The following EGFL6 variants were observed in gnomAD, a reference collection of about 807,000 sequenced individuals.
The protein encoded by EGFL6 is EGF like domain multiple 6.
Under a neutral mutation model 43.1 loss-of-function variants are expected in EGFL6, and 42 were observed. The ratio of observed to expected loss-of-function variants is 0.98; its 90% confidence interval spans 0.76 to 1.26. The LOEUF (loss-of-function observed/expected upper bound fraction) is 1.26. EGFL6 is among the 50% of genes most tolerant of loss of function. The probability of loss-of-function intolerance (pLI) is 0.00; values close to 1 mark genes in which losing one functional copy is unlikely to be tolerated. For missense variants in EGFL6, 429 were observed against 427.8 expected (o/e 1.00, Z -0.02); for synonymous variants, 164 against 163.2 (o/e 1.01, Z -0.04).
intron 3 of EGFL6, 56 bp downstream of exon 3, chrX:13,594,984 C>T (rs1038400036): frequency 1.2e-5 from 11 of 939,578 alleles, no homozygotes; most frequent in African/African-American, 5.8e-5. Flanking sequence ...GCAGGGCTGG[C>T]GACTCAATAT....
intron 11 of EGFL6, among the ~76,000 whole-genome samples, chrX:13,632,179 C>T (rs2045814630): frequency 1.9e-5 from 2 of 107,418 alleles, no homozygotes; most frequent in Non-Finnish European, 3.8e-5. Flanking sequence ...CGGTGGCTCA[C>T]GCCTGTAATC....
At chrX:13,627,611 T>C (rs1371384120) in intron 11 of EGFL6, among the ~76,000 whole-genome samples, 1 of 112,258 alleles carries the variant, frequency 8.9e-6, no homozygotes, top group African/African-American at 3.2e-5. Context: ...GCCCAGAACT[T>C]ACTACAATTA....
At chrX:13,583,042 G>A (rs773513967) in intron 1 of EGFL6, among the ~76,000 whole-genome samples, 3 of 111,075 alleles carry the variant, frequency 2.7e-5, no homozygotes, top group Non-Finnish European at 5.7e-5. Context: ...CCAACTGCTT[G>A]AAATCTACCT....
At chrX:13,572,525 A>G (rs2146959145) in intron 1 of EGFL6, among the ~76,000 whole-genome samples, 1 of 112,408 alleles carries the variant, frequency 8.9e-6, no homozygotes, top group Admixed American at 9.4e-5. Context: ...TCTGAACTCC[A>G]TCTCGAGTGT....
intron 4 of EGFL6, among the ~76,000 whole-genome samples, 186 bp downstream of exon 4, chrX:13,600,280 C>CTTCTTTTTTTTTTTTTT (rs1326551826): frequency 5.6e-4 from 25 of 44,278 alleles, no homozygotes; most frequent in Non-Finnish European, 6.4e-4. Flanking sequence ...TTTCTTTCTT[C>CTTCTTTTTTTTTTTTTT]TTTTTTTTTT....
intron 2 of EGFL6, 85 bp from the exon 3 acceptor site, chrX:13,594,751 C>A (rs916960153): frequency 5.8e-6 from 5 of 856,465 alleles, no homozygotes; most frequent in Middle Eastern, 7.5e-4. Flanking sequence ...AGTTCTCTGC[C>A]ACACAGAACG....
rs187258458 is a variant in EGFL6 at position 13,613,245 on chromosome X, A to T, written c.779-4485A>T. On this transcript the variant is annotated intron_variant, in intron 7 of 11. Coordinates refer to ENST00000361306, the MANE Select transcript of EGFL6 (RefSeq NM_015507.4). ...CATTGTTTTGAAAATTTCAGACTCT[A>T]CATTGCAATATGGAAAAAGAGTTAG... Among the ~76,000 whole-genome samples, 622 of 106,986 alleles carry T rather than the reference A, an allele frequency of 5.8e-3. 3 individuals carry two copies. The highest frequency in any genetic ancestry group is 0.02 in the African/African-American group (577 of 28,765). 92.9% of individuals were successfully genotyped at this position (106,986 alleles called of 115,157 possible). A position where few individuals can be genotyped will look rare whatever the true frequency, so the allele number is the denominator to read the frequency against.
chrX:13,593,048 A>G (rs1602643287), intron 2 of EGFL6, among the ~76,000 whole-genome samples: 2 of 107,871 alleles, frequency 1.9e-5, no homozygotes, highest in South Asian at 8.4e-4. Context: ...CCAAGTAGCT[A>G]GGATTACAGG....
intron 1 of EGFL6, among the ~76,000 whole-genome samples, chrX:13,571,537 G>C (rs1424417629): frequency 8.9e-6 from 1 of 111,732 alleles, no homozygotes; most frequent in Non-Finnish European, 1.9e-5. Context: ...ATGCTGTTTG[G>C]AGATGAGATT....
intron 6 of EGFL6, among the ~76,000 whole-genome samples, chrX:13,607,912 C>A (rs2045668976): frequency 8.9e-6 from 1 of 112,356 alleles, no homozygotes; most frequent in Admixed American, 9.4e-5. Flanking sequence ...ATGCCTGTGC[C>A]TATAAGTTAG....
intron 7 of EGFL6, among the ~76,000 whole-genome samples, chrX:13,615,932 A>G (rs1449774634): frequency 9.0e-6 from 1 of 111,173 alleles, no homozygotes; most frequent in East Asian, 2.8e-4. Context: ...TCCCACTCCA[A>G]TTTTTTATAG....
intron 6 of EGFL6, among the ~76,000 whole-genome samples, chrX:13,607,238 C>A (rs2045665432): frequency 9.0e-6 from 1 of 111,378 alleles, no homozygotes; most frequent in African/African-American, 3.3e-5. Context: ...ATGGGGCCTG[C>A]CCTATAGTGA....
chrX:13,572,665 T>TC (rs1224642303), intron 1 of EGFL6, among the ~76,000 whole-genome samples: 1 of 112,053 alleles, frequency 8.9e-6, no homozygotes, highest in East Asian at 2.8e-4. Flanking sequence ...TATATTTTTT[T>TC]CTCTACTGAA....
intron 6 of EGFL6, among the ~76,000 whole-genome samples, chrX:13,607,943 T>C (rs1317789031): frequency 3.5e-5 from 4 of 112,683 alleles, no homozygotes; most frequent in African/African-American, 6.5e-5. Flanking sequence ...CGGTTCCTAG[T>C]TGATCTTGCC....
chrX:13,578,540 C>A (rs1179842675), intron 1 of EGFL6, among the ~76,000 whole-genome samples: 1 of 108,443 alleles, frequency 9.2e-6, no homozygotes, highest in African/African-American at 3.4e-5. Context: ...AAATGTCCAA[C>A]AATGATAGAC....
At chrX:13,624,138 A>G (rs764691815) in intron 10 of EGFL6, among the ~76,000 whole-genome samples, 4 of 111,337 alleles carry the variant, frequency 3.6e-5, no homozygotes, top group Non-Finnish European at 5.6e-5. Flanking sequence ...ACCTGCCACC[A>G]CAAAGGATAT....
intron 11 of EGFL6, among the ~76,000 whole-genome samples, chrX:13,628,665 T>C (rs1443142931): frequency 9.0e-6 from 1 of 110,822 alleles, no homozygotes; most frequent in Admixed American, 9.5e-5. Context: ...AATACAAAAT[T>C]AGCCAGGTGT....
chrX:13,624,329 G>A (rs1569210194), intron 10 of EGFL6, among the ~76,000 whole-genome samples: 1 of 111,596 alleles, frequency 9.0e-6, no homozygotes, highest in Non-Finnish European at 1.9e-5. Context: ...AATAAATCTT[G>A]AAAGGAAATA....
chrX:13,601,796 A>G (rs936028802), intron 4 of EGFL6, among the ~76,000 whole-genome samples: 1 of 111,376 alleles, frequency 9.0e-6, no homozygotes, highest in Non-Finnish European at 1.9e-5. Context: ...TGTAATCATC[A>G]CCAAATAGAA....
Sources: gnomAD v4.1 joint callset for allele counts (sites outside exome capture counted in the v4.1 genomes callset) on GRCh38, gnomAD v4.1.1 for gene constraint, MANE v1.5 for transcripts, NCBI Gene and HGNC (gene_info 2026-07-23, HGNC 2026-07-21) for gene names.